The following KAT8 variants were observed in gnomAD, a reference collection of about 807,000 sequenced individuals.
The protein encoded by KAT8 is histone acetyltransferase KAT8.
Under a neutral mutation model 62.9 loss-of-function variants are expected in KAT8, and 40 were observed. That is an observed-to-expected ratio of 0.64 (90% CI 0.49 to 0.83). The LOEUF is 0.83. Among genes scored for constraint, KAT8 ranks in the 40% least tolerant of loss-of-function variants. The pLI, the probability that KAT8 is intolerant of heterozygous loss-of-function variation, is 0.00. For missense variants in KAT8, 387 were observed against 614.8 expected, an observed-to-expected ratio of 0.63 and a Z score of 3.92; for synonymous variants, 278 against 254.5, an observed-to-expected ratio of 1.09 and a Z score of -0.88.
chr16:31,131,044 A>T (rs533714259), intron 10 of KAT8, 144 bp downstream of exon 10: 1 of 1,503,104 alleles, frequency 6.7e-7, no homozygotes, highest in African/African-American at 1.4e-5. Flanking sequence ...CAGGCCTCTC[A>T]TTCCTGGGCT....
intron 4 of KAT8, 28 bp from the exon 5 acceptor site, chr16:31,127,161 C>G: frequency 6.2e-7 from 1 of 1,614,098 alleles, no homozygotes; most frequent in Non-Finnish European, 8.5e-7. Flanking sequence ...GAGCCGTGCA[C>G]TGTGCCTCAC....
intron 1 of KAT8, 155 bp downstream of exon 1, chr16:31,118,047 C>T (rs543766747): frequency 1.8e-6 from 1 of 557,720 alleles, no homozygotes; most frequent in Non-Finnish European, 2.8e-6. Flanking sequence ...GCGTTCCGGG[C>T]GCTGAGAAAC....
intron 3 of KAT8, chr16:31,126,780 T>G: frequency 1.9e-6 from 1 of 529,302 alleles, no homozygotes; most frequent in East Asian, 3.2e-5. Flanking sequence ...ATCCTAACCC[T>G]GTTCATCTGG....
intron 6 of KAT8, among the ~76,000 whole-genome samples, chr16:31,128,437 C>T (rs764942203): frequency 2.6e-5 from 4 of 152,022 alleles, no homozygotes; most frequent in African/African-American, 4.8e-5. Flanking sequence ...CCCAGCTACT[C>T]GGGAGGCTGA....
rs2057482830 is a variant in KAT8, at chr16:31,120,171, C to G, written c.212-15C>G. 2 of 1,612,558 alleles carry G rather than the reference C, an allele frequency of 1.2e-6. No individual in the cohort carries two copies. Among genetic ancestry groups the G allele is most frequent in the South Asian group, 2.2e-5 (2 of 91,026 alleles). On this transcript the variant is annotated splice_polypyrimidine_tract_variant and intron_variant, in intron 1 of 10. Transcript: ENST00000219797. ...GCCTTACCTTCCTGATGACCCTAGC[C>G]TTTTTCCATCACAGATTCTGCTGAA...
chr16:31,124,657 C>T (rs539740750), intron 3 of KAT8, among the ~76,000 whole-genome samples: 5 of 148,234 alleles, frequency 3.4e-5, no homozygotes, highest in Non-Finnish European at 1.5e-5. Flanking sequence ...CGCTTGAACC[C>T]AGGAGGCGAG....
At chr16:31,129,515 T>C (rs1471428114) in intron 6 of KAT8, among the ~76,000 whole-genome samples, 2 of 152,118 alleles carry the variant, frequency 1.3e-5, no homozygotes, top group Admixed American at 1.3e-4. Flanking sequence ...AGCCCCTTAG[T>C]GTGTGCCGTG....
At chr16:31,121,650 G>T (rs1019419316) in intron 3 of KAT8, among the ~76,000 whole-genome samples, 1 of 152,050 alleles carries the variant, frequency 6.6e-6, no homozygotes, top group Admixed American at 6.6e-5. Context: ...GGGCTCAAAT[G>T]TTCTTCCTGC....
Position 31,127,106 on chromosome 16 carries a change from G to T in KAT8, c.516+18G>T. On this transcript the variant is annotated intron_variant, in intron 4 of 10. Transcript: ENST00000219797. ...ATGAGGCGGTAAGTGGGGCTGGGAA[G>T]CTGCCTGCAGGTCCCCCGTCTCCCC... 1 of 1,614,156 alleles carries T rather than the reference G, an allele frequency of 6.2e-7. No individual in the cohort carries two copies. Among genetic ancestry groups the T allele is most frequent in the Non-Finnish European group, 8.5e-7 (1 of 1,180,022 alleles).
chr16:31,125,616 A>AG (rs2057526846), intron 3 of KAT8: 1 of 152,748 alleles, frequency 6.5e-6, no homozygotes, highest in African/African-American at 2.4e-5. Context: ...AAAAAAAAAA[A>AG]AAAAAAAAAG....
At position 31,117,900 on chromosome 16, in the gene KAT8, C is replaced by T; in HGVS notation, c.211+8C>T. 2 of 776,558 alleles carry T rather than the reference C, an allele frequency of 2.6e-6. No homozygotes were observed. The highest frequency in any genetic ancestry group is 3.3e-6 in the Non-Finnish European group (2 of 612,712). 48.1% of individuals were successfully genotyped at this position (776,558 alleles called of 1,614,324 possible). On this transcript the variant is annotated splice_region_variant and intron_variant, in intron 1 of 10. Transcript: ENST00000219797. Reference sequence around the variant, plus strand: ...GACCGGATAGCACCTGGCGTGAGGGCGGGGCCCAGGGCTGGGGGCGGGGCG... The same window carrying T: ...GACCGGATAGCACCTGGCGTGAGGGTGGGGCCCAGGGCTGGGGGCGGGGCG...
chr16:31,121,598 A>G (rs2143969790), intron 3 of KAT8, among the ~76,000 whole-genome samples: 1 of 152,150 alleles, frequency 6.6e-6, no homozygotes, highest in Admixed American at 6.5e-5. Context: ...TTCTTAAGAG[A>G]CGGGAGTCTT....
intron 3 of KAT8, among the ~76,000 whole-genome samples, chr16:31,123,498 C>CACGTTTAGCTGA (rs2057512543): frequency 6.6e-6 from 1 of 151,608 alleles, no homozygotes. Flanking sequence ...TGTGAGCCAC[C>CACGTTTAGCTGA]GTGCCCAGCC....
At position 31,120,385 on chromosome 16, in the gene KAT8, G is replaced by T; in HGVS notation, c.333G>T (p.Leu111=). 6.2e-7 allele frequency: 1 copy of T among 1,614,096 alleles called. No homozygotes were observed. Among genetic ancestry groups the T allele is most frequent in the South Asian group, 1.1e-5 (1 of 91,084 alleles). Residue 111 remains leucine, a synonymous_variant, in exon 3 of 11, where the codon CTG becomes CTT. Coordinates refer to ENST00000219797, the MANE Select transcript of KAT8 (RefSeq NM_032188.3). ...GGGTAGACAAGAACCGGCTGGCGCT[G>T]ACCAAGACAGTGAAGGATGCTGTAC... The part of the protein sequence containing the change: ...DEWVDKNRLA[L]TKTVKDAVQK...
intron 6 of KAT8, among the ~76,000 whole-genome samples, chr16:31,128,951 T>C (rs571005015): frequency 6.6e-6 from 1 of 152,320 alleles, no homozygotes; most frequent in South Asian, 2.1e-4. Flanking sequence ...CCAAGTGTAC[T>C]GGTTTCCCGC....
chr16:31,128,241 C>T (rs1567436687), intron 6 of KAT8, 102 bp downstream of exon 6: 1 of 883,824 alleles, frequency 1.1e-6, no homozygotes, highest in Admixed American at 2.0e-5. Context: ...TTAGCTGAGC[C>T]TCTATGGGCA....
Position 31,123,310 on chromosome 16 carries a change from A to G in KAT8, c.462+2796A>G, listed in dbSNP as rs1454445183. Reference sequence around the variant, plus strand: ...CAGCTCACTGCAACCTCCGCCTCCCAGATTCAAGTGAGTTTCCTGCCGCAG... The same window carrying G: ...CAGCTCACTGCAACCTCCGCCTCCCGGATTCAAGTGAGTTTCCTGCCGCAG... On this transcript the variant is annotated intron_variant, in intron 3 of 10. Coordinates refer to ENST00000219797, the MANE Select transcript of KAT8 (RefSeq NM_032188.3). Among the ~76,000 whole-genome samples the G allele has an allele frequency of 3.3e-5, 5 of 150,928 alleles. No individual in the cohort carries two copies. The East Asian group carries it at 5.9e-4, about 18-fold the overall frequency.
rs1263930344 is a variant in KAT8, at chr16:31,130,115, G to A, written c.870G>A (p.Glu290=). Residue 290 remains glutamate (E), a synonymous_variant, in exon 7 of 11, where the codon GAG becomes GAA. Coordinates refer to ENST00000219797, the MANE Select transcript of KAT8 (RefSeq NM_032188.3). ...CGTTCGTCTTTTACATCCTGACTGAGGTGGACCGGCAGGGGGCCCACATTG... is the reference window on the plus strand; with the variant it reads ...CGTTCGTCTTTTACATCCTGACTGAAGTGGACCGGCAGGGGGCCCACATTG... ...VEPFVFYILT[E]VDRQGAHIVG... is the part of the protein sequence containing the mutation. The A allele has an allele frequency of 6.2e-7, 1 of 1,613,908 alleles. No homozygotes were observed. The highest frequency in any genetic ancestry group is 1.7e-5 in the Admixed American group (1 of 59,986).
chr16:31,117,960 G>A (rs2057461770), intron 1 of KAT8, 68 bp downstream of exon 1: 1 of 1,180,462 alleles, frequency 8.5e-7, no homozygotes, highest in Non-Finnish European at 1.1e-6. Flanking sequence ...GGGGCCTGAG[G>A]ACAGGCTGTC....
Sources: gnomAD v4.1 joint callset for allele counts (sites outside exome capture counted in the v4.1 genomes callset) on GRCh38, gnomAD v4.1.1 for gene constraint, MANE v1.5 for transcripts, NCBI Gene and HGNC (gene_info 2026-07-23, HGNC 2026-07-21) for gene names.